SIPA1L3: variants seen among roughly 807,000 people sequenced by gnomAD.
SIPA1L3 encodes the protein signal-induced proliferation-associated 1-like protein 3.
In SIPA1L3, 59 loss-of-function variants were observed where a neutral mutation model predicts 150.1. The observed-to-expected ratio is 0.39, with a 90% CI of 0.32 to 0.49. The LOEUF (loss-of-function observed/expected upper bound fraction) is 0.49, where lower values mean the gene tolerates loss of function less well. Ranked by LOEUF, SIPA1L3 falls within the 20% of genes least tolerant of loss-of-function variation. The pLI is 0.86. For synonymous variants in SIPA1L3, 1,070 were observed against 1,077.6 expected (o/e 0.99, Z 0.14); for missense variants, 2,211 against 2,489.5 (o/e 0.89, Z 2.38).
intron 8 of SIPA1L3, among the ~76,000 whole-genome samples, chr19:38,113,629 G>A (rs981604366): frequency 1.3e-5 from 2 of 151,708 alleles, no homozygotes; most frequent in Non-Finnish European, 2.9e-5. Context: ...CAAAAAAAAC[G>A]GAAAAACAGA....
intron 2 of SIPA1L3, among the ~76,000 whole-genome samples, chr19:38,041,253 C>G (rs956903074): frequency 2.0e-5 from 3 of 149,258 alleles, no homozygotes; most frequent in Admixed American, 1.3e-4. Flanking sequence ...ATTACAGGCA[C>G]CCGCCAACAC....
intron 15 of SIPA1L3, among the ~76,000 whole-genome samples, chr19:38,169,657 C>T (rs1972284412): frequency 6.6e-6 from 1 of 152,222 alleles, no homozygotes; most frequent in African/African-American, 2.4e-5. Flanking sequence ...ATTTGAAAAA[C>T]ACACAGAAAT....
At chr19:38,113,625 A>G (rs1970817573) in intron 8 of SIPA1L3, among the ~76,000 whole-genome samples, 1 of 152,022 alleles carries the variant, frequency 6.6e-6, no homozygotes, top group South Asian at 2.1e-4. Flanking sequence ...AAACCAAAAA[A>G]AACGGAAAAA....
intron 15 of SIPA1L3, among the ~76,000 whole-genome samples, chr19:38,175,946 G>C (rs548220887): frequency 2.0e-5 from 3 of 151,668 alleles, no homozygotes; most frequent in Non-Finnish European, 4.4e-5. Flanking sequence ...TGTGGCTCAC[G>C]CCTGTAATCC....
chr19:38,103,389 G>A (rs377464745), intron 6 of SIPA1L3, among the ~76,000 whole-genome samples: 116 of 152,190 alleles, frequency 7.6e-4, no homozygotes, highest in African/African-American at 2.4e-3. Context: ...CACTTTGGGA[G>A]GCTGAGGCAG....
chr19:38,065,915 C>CTATCTATCTATTTATTTATT (rs74176413), intron 2 of SIPA1L3, among the ~76,000 whole-genome samples: 20 of 127,702 alleles, frequency 1.6e-4, no homozygotes, highest in Admixed American at 4.7e-4. Context: ...ATTTATTTAT[C>CTATCTATCTATTTATTTATT]TATTTATTTA....
chr19:38,178,939 T>G (rs183686436), intron 15 of SIPA1L3, among the ~76,000 whole-genome samples: 1 of 152,344 alleles, frequency 6.6e-6, no homozygotes, highest in East Asian at 1.9e-4. Context: ...TAGATGTTGC[T>G]AAATTGTGGA....
At chr19:38,094,342 G>A (rs759916602) in intron 4 of SIPA1L3, among the ~76,000 whole-genome samples, 4 of 152,034 alleles carry the variant, frequency 2.6e-5, no homozygotes, top group Non-Finnish European at 4.4e-5. Flanking sequence ...TCGAATTCCC[G>A]GGCTCAAGCG....
At chr19:38,067,529 G>A (rs1170617260) in intron 2 of SIPA1L3, among the ~76,000 whole-genome samples, 2 of 152,018 alleles carry the variant, frequency 1.3e-5, no homozygotes, top group African/African-American at 4.8e-5. Flanking sequence ...TTGGGAGGCC[G>A]AGGCGGGCAG....
intron 2 of SIPA1L3, among the ~76,000 whole-genome samples, chr19:38,044,272 G>C (rs1001936299): frequency 6.6e-6 from 1 of 152,226 alleles, no homozygotes; most frequent in Non-Finnish European, 1.5e-5. Flanking sequence ...GCGTGAGATG[G>C]CAAGGAGACA....
chr19:38,129,652 G>A (rs1432417350), intron 9 of SIPA1L3, among the ~76,000 whole-genome samples: 1 of 150,600 alleles, frequency 6.6e-6, no homozygotes, highest in South Asian at 2.1e-4. Flanking sequence ...ATGGTGTCAC[G>A]AAGTAAAAGA....
At chr19:38,186,480 TTTTTGTTTTGTTTTG>T (rs148671328) in intron 16 of SIPA1L3, among the ~76,000 whole-genome samples, 5 of 147,890 alleles carry the variant, frequency 3.4e-5, no homozygotes, top group African/African-American at 4.9e-5. Flanking sequence ...GTCTGGCTAA[TTTTTGTTTTGTTTTG>T]TTTTGTTTTG....
chr19:38,199,490 G>A (rs1207921836), intron 19 of SIPA1L3, among the ~76,000 whole-genome samples: 3 of 152,244 alleles, frequency 2.0e-5, no homozygotes, highest in Non-Finnish European at 1.5e-5. Context: ...CCCCATGTGA[G>A]AAAGCTGAGG....
chr19:38,147,870 C>T (rs983202413), intron 12 of SIPA1L3, among the ~76,000 whole-genome samples: 19 of 152,050 alleles, frequency 1.2e-4, no homozygotes, highest in Admixed American at 9.8e-4. Context: ...TCTGCCAGGA[C>T]GTAACAGAGC....
At chr19:37,947,748 A>G (rs2046725703) in intron 1 of SIPA1L3, among the ~76,000 whole-genome samples, 1 of 152,240 alleles carries the variant, frequency 6.6e-6, no homozygotes, top group Admixed American at 6.5e-5. Context: ...TGGATGGGGC[A>G]GAGCCTGGCT....
At chr19:38,193,462 G>C in intron 17 of SIPA1L3, 75 bp from the exon 18 acceptor site, 2 of 1,390,382 alleles carry the variant, frequency 1.4e-6, no homozygotes, top group Non-Finnish European at 1.9e-6. Context: ...ATGTCCTAGA[G>C]GGGAAGATGC....
chr19:37,953,952 C>G (rs1251456476), intron 1 of SIPA1L3, among the ~76,000 whole-genome samples: 1 of 152,156 alleles, frequency 6.6e-6, no homozygotes, highest in Non-Finnish European at 1.5e-5. Flanking sequence ...CTGTATACCT[C>G]CTTGTACACT....
intron 18 of SIPA1L3, 67 bp downstream of exon 18, chr19:38,193,847 C>G (rs1972861409): frequency 1.4e-6 from 2 of 1,448,664 alleles, no homozygotes; most frequent in Admixed American, 2.5e-5. Context: ...GATGCCCGAG[C>G]AGGGGCTCAC....
intron 13 of SIPA1L3, among the ~76,000 whole-genome samples, chr19:38,155,224 T>C (rs907696444): frequency 2.0e-5 from 3 of 152,158 alleles, no homozygotes; most frequent in Non-Finnish European, 2.9e-5. Flanking sequence ...ATTATGGTTT[T>C]ATTTTATTTA....
Sources: allele counts gnomAD v4.1 joint callset (sites outside exome capture counted in the v4.1 genomes callset), GRCh38; gene constraint gnomAD v4.1.1; transcripts MANE v1.5; gene names NCBI Gene and HGNC (gene_info 2026-07-23, HGNC 2026-07-21).